TRAPPC9: variants seen among roughly 807,000 people sequenced by gnomAD.
TRAPPC9 encodes IKK2 binding protein.
A neutral mutation model predicts 124.0 loss-of-function variants in TRAPPC9; 83 were observed. The ratio of observed to expected loss-of-function variants is 0.67; its 90% CI spans 0.56 to 0.80. The LOEUF is 0.80. Ranked by LOEUF, TRAPPC9 falls within the 30% of genes least tolerant of loss-of-function variation. The probability of loss-of-function intolerance (pLI) is 0.00; values close to 1 mark genes in which losing one functional copy is unlikely to be tolerated. For missense variants in TRAPPC9, 1,302 were observed against 1,508.3 expected (o/e 0.86, Z 2.27); for synonymous variants, 638 against 617.5 (o/e 1.03, Z -0.49).
intron 17 of TRAPPC9, chr8:140,040,687 C>A (rs1174300153): frequency 6.6e-6 from 1 of 152,386 alleles, no homozygotes; most frequent in African/African-American, 2.4e-5. Flanking sequence ...CGGCCGCACA[C>A]TGGCAAGCTT....
chr8:140,073,631 T>C (rs541488210), intron 17 of TRAPPC9, among the ~76,000 whole-genome samples: 4 of 152,344 alleles, frequency 2.6e-5, no homozygotes, highest in South Asian at 2.1e-4. Flanking sequence ...TATCCATCCA[T>C]CCAAACTGTA....
At chr8:140,157,189 T>TTTTCCATTCAGAAGCCTCCC (rs2061663255) in intron 17 of TRAPPC9, among the ~76,000 whole-genome samples, 1 of 49,972 alleles carries the variant, frequency 2.0e-5, no homozygotes, top group Non-Finnish European at 3.7e-5. Flanking sequence ...AAAGCCTCCC[T>TTTTCCATTCAGAAGCCTCCC]TTTCCATTCA....
At chr8:139,948,010 A>C (rs1294021473) in intron 19 of TRAPPC9, among the ~76,000 whole-genome samples, 1 of 150,446 alleles carries the variant, frequency 6.6e-6, no homozygotes. Flanking sequence ...ATTCTTGTCC[A>C]CGTTCTGTCC....
intron 17 of TRAPPC9, among the ~76,000 whole-genome samples, chr8:140,090,216 G>A (rs1176227294): frequency 6.6e-6 from 1 of 152,202 alleles, no homozygotes; most frequent in Non-Finnish European, 1.5e-5. Flanking sequence ...TCATTTGAGT[G>A]TGTCTGTATG....
intron 9 of TRAPPC9, among the ~76,000 whole-genome samples, chr8:140,339,404 C>A (rs151140327): frequency 5.8e-4 from 88 of 152,304 alleles, no homozygotes; most frequent in Admixed American, 1.0e-3. Context: ...AATTATCAAT[C>A]AAATCTGAGA....
At chr8:139,875,723 C>T (rs1829276681) in intron 21 of TRAPPC9, among the ~76,000 whole-genome samples, 1 of 152,192 alleles carries the variant, frequency 6.6e-6, no homozygotes, top group Admixed American at 6.5e-5. Flanking sequence ...TCGTGGTCTC[C>T]AGGAAGTGGC....
At chr8:140,012,547 T>C (rs1839207234) in intron 18 of TRAPPC9, among the ~76,000 whole-genome samples, 1 of 152,236 alleles carries the variant, frequency 6.6e-6, no homozygotes. Context: ...TTTATAAAGA[T>C]TCTGTAACTT....
At chr8:140,237,070 A>C (rs2063747043) in intron 16 of TRAPPC9, among the ~76,000 whole-genome samples, 1 of 152,176 alleles carries the variant, frequency 6.6e-6, no homozygotes, top group African/African-American at 2.4e-5. Context: ...AGTCCCAGCT[A>C]CTGAGGAGGC....
chr8:139,737,436 C>T (rs374123056), intron 21 of TRAPPC9, among the ~76,000 whole-genome samples: 2 of 146,414 alleles, frequency 1.4e-5, no homozygotes, highest in Non-Finnish European at 3.0e-5. Context: ...GAGCACCTTC[C>T]CACAGCCTTC....
rs76538892 is a variant in TRAPPC9 at position 140,173,796 on chromosome 8, G to A, written c.2556+47663C>T. Among the ~76,000 whole-genome samples, 15 of 152,284 alleles carry A rather than the reference G, an allele frequency of 9.9e-5. No individual in the cohort carries two copies. The East Asian group carries it at 2.7e-3, about 27-fold the overall frequency. On this transcript the variant is annotated intron_variant, in intron 17 of 22. Coordinates refer to ENST00000438773, the MANE Select transcript of TRAPPC9 (RefSeq NM_001160372.4). ...CAGGAAGATTTCATCAATGTGGTAC[G>A]GAAATATCAGAGACAGCAAAATATG...
At chr8:140,303,560 G>A (rs990250542) in intron 10 of TRAPPC9, among the ~76,000 whole-genome samples, 2 of 152,200 alleles carry the variant, frequency 1.3e-5, no homozygotes, top group African/African-American at 4.8e-5. Context: ...ACAGGATGTG[G>A]GCTTGGCTGC....
chr8:140,101,541 G>GTTTTTTTTTTTTTTT (rs11387005), intron 17 of TRAPPC9, among the ~76,000 whole-genome samples: 3 of 114,948 alleles, frequency 2.6e-5, no homozygotes, highest in East Asian at 2.8e-4. Context: ...TCTTTTTTTT[G>GTTTTTTTTTTTTTTT]TTTTTTTTTT....
intron 18 of TRAPPC9, among the ~76,000 whole-genome samples, chr8:140,015,359 G>A (rs558086419): frequency 2.0e-4 from 30 of 152,192 alleles, no homozygotes; most frequent in Admixed American, 7.2e-4. Flanking sequence ...CTAACATGGC[G>A]TGATGCCAGA....
intron 17 of TRAPPC9, among the ~76,000 whole-genome samples, chr8:140,084,483 T>C (rs530812859): frequency 6.6e-6 from 1 of 152,328 alleles, no homozygotes; most frequent in South Asian, 2.1e-4. Context: ...TATAGGATGA[T>C]ATCCAGGCTC....
chr8:140,301,917 C>T (rs2065990033), intron 10 of TRAPPC9, among the ~76,000 whole-genome samples: 1 of 152,238 alleles, frequency 6.6e-6, no homozygotes, highest in South Asian at 2.1e-4. Flanking sequence ...TCCCAGAGCT[C>T]AGCTGCCCTG....
intron 17 of TRAPPC9, among the ~76,000 whole-genome samples, chr8:140,179,993 A>ATTTTTTT (rs71520259): frequency 0.042 from 3,782 of 89,888 alleles, 310 homozygotes; most frequent in East Asian, 0.11. Context: ...TTATATCTTG[A>ATTTTTTT]TTTTTTTTTT....
At chr8:140,152,674 C>T (rs2061566449) in intron 17 of TRAPPC9, among the ~76,000 whole-genome samples, 1 of 151,992 alleles carries the variant, frequency 6.6e-6, no homozygotes, top group African/African-American at 2.4e-5. Flanking sequence ...GGCCATGTTG[C>T]CATCTTAATA....
At chr8:140,212,927 G>A (rs2063095241) in intron 17 of TRAPPC9, among the ~76,000 whole-genome samples, 2 of 151,462 alleles carry the variant, frequency 1.3e-5, no homozygotes, top group African/African-American at 4.9e-5. Context: ...AAATTAGCTG[G>A]GCATGGTGGC....
rs113906285 is a variant in TRAPPC9, at chr8:140,072,257, G to A, written c.2557-48178C>T. On this transcript the variant is annotated intron_variant, in intron 17 of 22. Coordinates refer to ENST00000438773, the MANE Select transcript of TRAPPC9 (RefSeq NM_001160372.4). ...ATTTTTAACAAATGAAGAGGCAGCCGGGCACAGTGGCTCATGCCGTAATCC... is the reference window on the plus strand; with the variant it reads ...ATTTTTAACAAATGAAGAGGCAGCCAGGCACAGTGGCTCATGCCGTAATCC... 5.9e-3 allele frequency among the ~76,000 whole-genome samples: 904 copies of A among 152,214 alleles called. 3 individuals are homozygous for A. Among genetic ancestry groups the A allele is most frequent in the Non-Finnish European group, 0.011 (721 of 68,012 alleles).
Sources: allele counts gnomAD v4.1 joint callset (sites outside exome capture counted in the v4.1 genomes callset), GRCh38; gene constraint gnomAD v4.1.1; transcripts MANE v1.5; gene names NCBI Gene and HGNC (gene_info 2026-07-23, HGNC 2026-07-21).